The following ABITRAM variants were observed in gnomAD, a reference collection of about 807,000 sequenced individuals.
ABITRAM encodes the protein actin binding transcription modulator, also known as protein Abitram.
In ABITRAM, 19 loss-of-function variants were observed where a neutral mutation model predicts 22.9. The ratio of observed to expected loss-of-function variants is 0.83; its 90% CI spans 0.58 to 1.22. The LOEUF (loss-of-function observed/expected upper bound fraction) is 1.22, where lower values mean the gene tolerates loss of function less well. Ranked by LOEUF, ABITRAM falls within the 50% of genes most tolerant of loss-of-function variation. The probability of loss-of-function intolerance (pLI) is 0.00; values close to 1 mark genes in which losing one functional copy is unlikely to be tolerated. For synonymous variants in ABITRAM, 70 were observed against 73.9 expected (o/e 0.95, Z 0.27); for missense variants, 215 against 220.2 (o/e 0.98, Z 0.15).
intron 1 of ABITRAM, among the ~76,000 whole-genome samples, chr9:108,934,893 G>C (rs1351226771): frequency 6.6e-6 from 1 of 152,166 alleles, no homozygotes; most frequent in Admixed American, 6.5e-5. Flanking sequence ...GAGGGATTGA[G>C]GGGCTCACTC....
rs544972698 is a variant in ABITRAM, at chr9:108,947,796, T to A, written c.262-2711T>A. Among the ~76,000 whole-genome samples, 101 of 152,338 alleles carry A rather than the reference T, an allele frequency of 6.6e-4. 3 individuals carry two copies. The South Asian group carries it at 0.02, about 31-fold the overall frequency. On this transcript the variant is annotated intron_variant, in intron 3 of 3. Coordinates refer to the ABITRAM transcript ENST00000374624. ...AAGCATTTTAACAGATACTCTCTCATGTGTTATCTCATTTAATCAATATAT... is the reference window on the plus strand; with the variant it reads ...AAGCATTTTAACAGATACTCTCTCAAGTGTTATCTCATTTAATCAATATAT...
rs1830210983 is a variant in ABITRAM, at chr9:108,938,150, G to A, written c.262-1046G>A. On this transcript the variant is annotated intron_variant, in intron 3 of 5. Transcript: ENST00000322940. ...GACAAAAAGGCATCAAAACATTTCTGCTGTTTTGGCACAGACCTAGCTCTT... is the reference window on the plus strand; with the variant it reads ...GACAAAAAGGCATCAAAACATTTCTACTGTTTTGGCACAGACCTAGCTCTT... 2.0e-5 allele frequency among the ~76,000 whole-genome samples: 3 copies of A among 152,184 alleles called. No individual in the cohort carries two copies. In the South Asian group the frequency reaches 6.2e-4, roughly 32 times the overall value.
intron 3 of ABITRAM, chr9:108,948,306 T>C (rs533725326): frequency 1.4e-6 from 2 of 1,406,968 alleles, no homozygotes; most frequent in Admixed American, 4.3e-5. Context: ...AATATTAAAA[T>C]TTTAGAGCAT....
chr9:108,946,995 GA>G (rs1418820926), intron 3 of ABITRAM, among the ~76,000 whole-genome samples: 62 of 152,078 alleles, frequency 4.1e-4, no homozygotes, highest in Middle Eastern at 3.4e-3. Flanking sequence ...GAAAAATCCA[GA>G]AGACACATTT....
At chr9:108,942,510 T>C (rs1223630011), downstream of ABITRAM, 3 of 487,704 alleles carry the variant, frequency 6.2e-6, no homozygotes, top group Non-Finnish European at 1.1e-5. Context: ...AGTTGGGATA[T>C]TTGGTTTGAC....
intron 3 of ABITRAM, among the ~76,000 whole-genome samples, chr9:108,946,281 G>C (rs905759081): frequency 6.9e-6 from 1 of 144,676 alleles, no homozygotes; most frequent in Non-Finnish European, 1.5e-5. Flanking sequence ...CCTGACAACA[G>C]AGCGAGACTA....
At chr9:108,937,996 C>CAAA (rs56229176) in intron 3 of ABITRAM, among the ~76,000 whole-genome samples, 1 of 69,588 alleles carries the variant, frequency 1.4e-5, no homozygotes, top group Non-Finnish European at 3.1e-5. Context: ...GACCCTGTCT[C>CAAA]AAAAAAAAAA....
downstream of ABITRAM, among the ~76,000 whole-genome samples, chr9:108,941,867 A>C (rs1249508610): frequency 6.6e-6 from 1 of 152,182 alleles, no homozygotes; most frequent in Non-Finnish European, 1.5e-5. Context: ...GACCCCACCC[A>C]CAAAAACAAG....
chr9:108,944,324 C>T (rs181701812), downstream of ABITRAM, among the ~76,000 whole-genome samples: 148 of 152,276 alleles, frequency 9.7e-4, no homozygotes, highest in Middle Eastern at 3.4e-3. Context: ...GTCTAGATTA[C>T]GCAAGGGACC....
At chr9:108,942,129 C>G (rs1830263444), downstream of ABITRAM, among the ~76,000 whole-genome samples, 1 of 152,180 alleles carries the variant, frequency 6.6e-6, no homozygotes, top group Admixed American at 6.5e-5. Context: ...GAACCAAAAA[C>G]CCATCTCATA....
chr9:108,948,863 G>A lies in ABITRAM; in HGVS notation c.262-1644G>A, dbSNP rs28361175. Among the ~76,000 whole-genome samples, 105 of 152,260 alleles carry A rather than the reference G, an allele frequency of 6.9e-4. 3 individuals carry two copies. In the South Asian group the frequency reaches 0.021, roughly 30 times the overall value. The stretch of plus-strand genomic sequence containing the variant: ...AAGAAGAGCAATGGACTAGGGATAA[G>A]TCAGAAAATCTGGAATCTAGTAGCA... On this transcript the variant is annotated intron_variant, in intron 3 of 3. Coordinates refer to the ABITRAM transcript ENST00000374624.
At chr9:108,938,361 T>G (rs1032892127) in intron 3 of ABITRAM, among the ~76,000 whole-genome samples, 2 of 152,168 alleles carry the variant, frequency 1.3e-5, no homozygotes, top group African/African-American at 4.8e-5. Context: ...CATCTTAACC[T>G]GAAATGCCTA....
intron 3 of ABITRAM, among the ~76,000 whole-genome samples, chr9:108,937,463 G>C (rs927329723): frequency 6.6e-6 from 1 of 152,154 alleles, no homozygotes; most frequent in African/African-American, 2.4e-5. Context: ...TTCATACTAA[G>C]AGTTTCTGCT....
downstream of ABITRAM, chr9:108,942,597 ATTAG>A: frequency 1.7e-6 from 1 of 579,268 alleles, no homozygotes; most frequent in South Asian, 2.4e-5. Context: ...CAAGACATTT[ATTAG>A]TTGTCAAAAA....
chr9:108,936,082 C>T, intron 2 of ABITRAM: 1 of 553,060 alleles, frequency 1.8e-6, no homozygotes, highest in Non-Finnish European at 3.2e-6. Flanking sequence ...TACCTAAAGA[C>T]CTCTGGTACT....
intron 3 of ABITRAM, among the ~76,000 whole-genome samples, chr9:108,937,996 CA>C (rs56229176): frequency 0.064 from 4,486 of 69,596 alleles, 115 homozygotes; most frequent in East Asian, 0.19. Context: ...GACCCTGTCT[CA>C]AAAAAAAAAA....
Position 108,948,192 on chromosome 9 carries a change from T to C in ABITRAM, c.262-2315T>C, listed in dbSNP as rs1830460747. 3.1e-6 allele frequency: 5 copies of C among 1,612,210 alleles called. No individual in the cohort carries two copies. The East Asian group carries it at 6.7e-5, about 22-fold the overall frequency. ...AAACGGAAACAAGGCATACCTCTAG[T>C]TGATGAATTAAATCCTGGGAAGTTT... On this transcript the variant is annotated intron_variant, in intron 3 of 3. Transcript: ENST00000374624.
In ABITRAM at chr9:108,934,469, G is replaced by A; in HGVS notation, c.-18G>A. 1 of 1,588,860 alleles carries A rather than the reference G, an allele frequency of 6.3e-7. No homozygotes were observed. ...GCTGGGGTCCCGGAGGGCGGGGGTG[G>A]CGGCGCCGGAGGTCGCCATGGCTAC... On this transcript the variant is annotated 5_prime_UTR_variant, in exon 1 of 6. Coordinates refer to ENST00000322940, the MANE Select transcript of ABITRAM (RefSeq NM_017832.4).
At chr9:108,938,781 A>G (rs1830220642) in intron 3 of ABITRAM, among the ~76,000 whole-genome samples, 1 of 151,872 alleles carries the variant, frequency 6.6e-6, no homozygotes, top group African/African-American at 2.4e-5. Context: ...AAGTTCTAAT[A>G]TTAAAATGAG....
Sources: gnomAD v4.1 joint callset for allele counts (sites outside exome capture counted in the v4.1 genomes callset) on GRCh38, gnomAD v4.1.1 for gene constraint, MANE v1.5 for transcripts, NCBI Gene and HGNC (gene_info 2026-07-23, HGNC 2026-07-21) for gene names.